Variants in ADAMTS5 observed in about 807,000 individuals in gnomAD.
ADAMTS5 encodes A disintegrin and metalloproteinase with thrombospondin motifs 5.
A neutral mutation model predicts 81.4 loss-of-function variants in ADAMTS5; 54 were observed. That is an observed-to-expected ratio of 0.66 (90% confidence interval 0.53 to 0.83). The LOEUF (loss-of-function observed/expected upper bound fraction) is 0.83. ADAMTS5 is among the 40% of genes least tolerant of loss of function. The pLI, the probability that ADAMTS5 is intolerant of heterozygous loss-of-function variation, is 0.00. For missense variants in ADAMTS5, 1,194 were observed against 1,229.9 expected, an observed-to-expected ratio of 0.97 and a Z score of 0.44; for synonymous variants, 532 against 508.8, an observed-to-expected ratio of 1.05 and a Z score of -0.61.
intron 1 of ADAMTS5, 32 bp downstream of exon 1, chr21:26,965,256 C>T (rs760139653): frequency 6.3e-7 from 1 of 1,583,284 alleles, no homozygotes; most frequent in Non-Finnish European, 8.6e-7. Context: ...CTGATATCAG[C>T]GCTGGGACCC....
intron 2 of ADAMTS5, among the ~76,000 whole-genome samples, chr21:26,950,227 C>T (rs1372216565): frequency 1.3e-5 from 2 of 152,166 alleles, no homozygotes; most frequent in Non-Finnish European, 2.9e-5. Context: ...TTTCATTTGT[C>T]TAAATAAAAT....
chr21:26,961,649 C>G (rs1306864615), intron 1 of ADAMTS5, among the ~76,000 whole-genome samples: 1 of 152,234 alleles, frequency 6.6e-6, no homozygotes, highest in Non-Finnish European at 1.5e-5. Context: ...ATATCCCTCA[C>G]AGTTTATTGT....
Position 26,918,956 on chromosome 21 carries a change from A to C in ADAMTS5, c.*5097T>G, listed in dbSNP as rs1181212148. ...CTTAAATGTCCTCAGATGCACATGC[A>C]GTTTACGTCACTGACCACTGTTGGT... On this transcript the variant is annotated 3_prime_UTR_variant, in exon 8 of 8. Transcript: ENST00000284987. 2 of 152,028 alleles carry C rather than the reference A, an allele frequency of 1.3e-5. No homozygotes were observed. The highest frequency in any genetic ancestry group is 2.9e-5 in the Non-Finnish European group (2 of 67,930). The allele number at this position is 152,028 out of a possible 1,614,324, so 9.4% of individuals were successfully genotyped here. A position where few individuals can be genotyped will look rare whatever the true frequency, so the allele number is the denominator to read the frequency against.
chr21:26,951,443 A>G (rs1234295523), intron 2 of ADAMTS5, among the ~76,000 whole-genome samples: 2 of 152,010 alleles, frequency 1.3e-5, no homozygotes, highest in Non-Finnish European at 2.9e-5. Flanking sequence ...TTGACCATAT[A>G]CACATCTTCC....
intron 3 of ADAMTS5, among the ~76,000 whole-genome samples, chr21:26,941,338 A>G (rs745996828): frequency 2.0e-5 from 3 of 152,120 alleles, no homozygotes; most frequent in Admixed American, 6.5e-5. Context: ...TATTAAAATT[A>G]TGTTCTTAGT....
intron 1 of ADAMTS5, among the ~76,000 whole-genome samples, chr21:26,962,270 C>T (rs940667836): frequency 3.3e-5 from 5 of 152,088 alleles, no homozygotes; most frequent in East Asian, 3.9e-4. Context: ...TAAAAGAGGA[C>T]GTCCAGAACA....
chr21:26,951,140 T>C (rs924840836), intron 2 of ADAMTS5, among the ~76,000 whole-genome samples: 1 of 152,224 alleles, frequency 6.6e-6, no homozygotes, highest in Non-Finnish European at 1.5e-5. Context: ...TGACTTTCTA[T>C]TTTAAACCAC....
At chr21:26,962,684 G>A (rs371469691) in intron 1 of ADAMTS5, among the ~76,000 whole-genome samples, 3 of 152,200 alleles carry the variant, frequency 2.0e-5, no homozygotes, top group African/African-American at 2.4e-5. Flanking sequence ...ATAGCTTGGC[G>A]TCTGGCTGCT....
At chr21:26,940,510 C>T (rs760332811) in intron 3 of ADAMTS5, among the ~76,000 whole-genome samples, 4 of 152,086 alleles carry the variant, frequency 2.6e-5, no homozygotes, top group Non-Finnish European at 4.4e-5. Context: ...TAGCCTTTCT[C>T]TTATTGTTAA....
intron 7 of ADAMTS5, among the ~76,000 whole-genome samples, chr21:26,925,366 T>G (rs953491142): frequency 1.3e-5 from 2 of 152,186 alleles, no homozygotes; most frequent in East Asian, 3.8e-4. Context: ...GGAATTTTTT[T>G]AAATGACTTA....
At chr21:26,959,047 G>C (rs1016967954) in intron 1 of ADAMTS5, among the ~76,000 whole-genome samples, 4 of 152,200 alleles carry the variant, frequency 2.6e-5, no homozygotes, top group Non-Finnish European at 4.4e-5. Context: ...GCTGGAAAGA[G>C]AGTCTGGGCC....
intron 2 of ADAMTS5, among the ~76,000 whole-genome samples, chr21:26,948,418 A>G (rs930622014): frequency 2.0e-5 from 3 of 152,236 alleles, no homozygotes; most frequent in African/African-American, 4.8e-5. Context: ...TCGGGAAAGC[A>G]CTGCTCAGAT....
At chr21:26,942,312 G>C (rs1308210495) in intron 3 of ADAMTS5, among the ~76,000 whole-genome samples, 2 of 152,098 alleles carry the variant, frequency 1.3e-5, no homozygotes, top group Non-Finnish European at 2.9e-5. Context: ...ATGGGACATT[G>C]AGTCATAAAC....
intron 2 of ADAMTS5, among the ~76,000 whole-genome samples, chr21:26,950,148 A>C (rs1601013665): frequency 6.6e-6 from 1 of 152,326 alleles, no homozygotes; most frequent in East Asian, 1.9e-4. Flanking sequence ...CACAGTAGAG[A>C]GATTCACTTA....
chr21:26,965,871 GC>G lies in ADAMTS5; in HGVS notation c.520del (p.Ala174ArgfsTer119). 6.2e-7 allele frequency: 1 copy of G among 1,613,580 alleles called. No homozygotes were observed. The highest frequency in any genetic ancestry group is 8.5e-7 in the Non-Finnish European group (1 of 1,179,828). On this transcript the variant is annotated frameshift_variant, in exon 1 of 8. Coordinates refer to ENST00000284987, the MANE Select transcript of ADAMTS5 (RefSeq NM_007038.5). LOFTEE classifies it high-confidence loss of function. ...GTACACGCGCCCCTTTTCTTCCTCC[GC>G]CCAGGGTCCGCGCAGCAGTGGCTTT... ...TLKPLLRGPW[A>X]EEEKGRVYGD...
Position 26,924,193 on chromosome 21 carries a change from G to A in ADAMTS5, c.2653C>T (p.Leu885Phe), listed in dbSNP as rs1986757574. ...SQPQWVTGPW[L>F]ACSRTCDTGW... Reference sequence around the variant, plus strand: ...GTGTCACAGGTCCTAGAGCAGGCGAGCCATGGGCCCGTGACCCACTGCGGC... The same window carrying A: ...GTGTCACAGGTCCTAGAGCAGGCGAACCATGGGCCCGTGACCCACTGCGGC... The change falls in exon 8 of 8, where the codon CTC (leucine) becomes TTC (phenylalanine). Residue 885 changes from leucine to phenylalanine, a missense_variant. Around this residue, in one of 2 missense-constraint regions of ADAMTS5, gnomAD observed 696 missense variants for 817.6 expected, o/e 0.85. Transcript: ENST00000284987. 1 of 1,614,094 alleles carries A rather than the reference G, an allele frequency of 6.2e-7. No individual in the cohort carries two copies.
chr21:26,926,143 T>C (rs1364927284), intron 7 of ADAMTS5, among the ~76,000 whole-genome samples: 1 of 152,194 alleles, frequency 6.6e-6, no homozygotes, highest in Non-Finnish European at 1.5e-5. Flanking sequence ...TGGTGGCGCA[T>C]GCCTATGGTC....
intron 3 of ADAMTS5, among the ~76,000 whole-genome samples, chr21:26,939,157 T>C (rs962726315): frequency 3.3e-5 from 5 of 152,076 alleles, no homozygotes; most frequent in Non-Finnish European, 5.9e-5. Context: ...CCCAGTGATA[T>C]AAGAATGAAC....
chr21:26,954,763 C>T lies in ADAMTS5; in HGVS notation c.1213G>A (p.Ala405Thr), dbSNP rs137866717. The T allele has an allele frequency of 9.9e-6, 16 of 1,613,956 alleles. No homozygotes were observed. Among genetic ancestry groups the T allele is most frequent in the African/African-American group, 1.3e-5 (1 of 74,914 alleles). ...AVIEDDGLHA[A>T]FTVAHEIGHL... ...CCGATTTCGTGAGCCACAGTGAAGGCTGCGTGGAGGCCATCGTCTTCAATC... is the reference window on the plus strand; with the variant it reads ...CCGATTTCGTGAGCCACAGTGAAGGTTGCGTGGAGGCCATCGTCTTCAATC... The change falls in exon 2 of 8, where the codon GCC becomes ACC. Residue 405 changes from alanine (A) to threonine (T), a missense_variant. Physicochemically the swap from Ala to Thr is moderately conservative, Grantham distance 58. Coordinates refer to ENST00000284987, the MANE Select transcript of ADAMTS5 (RefSeq NM_007038.5).
Sources: allele counts gnomAD v4.1 joint callset (sites outside exome capture counted in the v4.1 genomes callset), GRCh38; gene constraint gnomAD v4.1.1; regional missense constraint gnomAD v4.1.1; transcripts MANE v1.5; gene names NCBI Gene and HGNC (gene_info 2026-07-23, HGNC 2026-07-21).